The following MAP3K1 variants were observed in gnomAD, a reference collection of about 807,000 sequenced individuals.
The protein encoded by MAP3K1 is MAP/ERK kinase kinase 1.
A neutral mutation model predicts 144.2 loss-of-function variants in MAP3K1; 36 were observed. The observed-to-expected ratio is 0.25, with a 90% CI of 0.19 to 0.33. The LOEUF (loss-of-function observed/expected upper bound fraction) is 0.33, where lower values mean the gene tolerates loss of function less well. MAP3K1 is among the 10% of genes least tolerant of loss of function. MAP3K1 has a pLI of 1.00. For missense variants in MAP3K1, 1,650 were observed against 1,881.9 expected, an observed-to-expected ratio of 0.88 and a Z score of 2.28; for synonymous variants, 718 against 688.7, an observed-to-expected ratio of 1.04 and a Z score of -0.67.
intron 1 of MAP3K1, among the ~76,000 whole-genome samples, chr5:56,840,770 C>A (rs777671402): frequency 9.2e-5 from 14 of 151,960 alleles, no homozygotes; most frequent in Non-Finnish European, 1.6e-4. Context: ...GGAACTGAAA[C>A]TTGGTCTGAG....
chr5:56,831,684 T>G (rs760404538), intron 1 of MAP3K1, among the ~76,000 whole-genome samples: 12 of 152,248 alleles, frequency 7.9e-5, no homozygotes, highest in Admixed American at 1.3e-4. Context: ...TGATTGCTTA[T>G]GTAGGACTAA....
intron 10 of MAP3K1, among the ~76,000 whole-genome samples, chr5:56,876,662 C>G (rs1353304877): frequency 6.6e-6 from 1 of 152,168 alleles, no homozygotes; most frequent in Non-Finnish European, 1.5e-5. Flanking sequence ...CTTTTACTAG[C>G]ACGATGGCTT....
At chr5:56,872,448 T>C (rs983693685) in intron 7 of MAP3K1, among the ~76,000 whole-genome samples, 193 bp from the exon 8 acceptor site, 1 of 152,208 alleles carries the variant, frequency 6.6e-6, no homozygotes, top group African/African-American at 2.4e-5. Flanking sequence ...GTACATGTTA[T>C]CAGAATGAAT....
intron 1 of MAP3K1, among the ~76,000 whole-genome samples, chr5:56,855,260 G>T (rs1042481889): frequency 6.6e-6 from 1 of 151,302 alleles, no homozygotes; most frequent in African/African-American, 2.4e-5. Context: ...AGCATAAAAA[G>T]CAGCCAAGCA....
chr5:56,858,841 G>A (rs1194816575), intron 2 of MAP3K1, among the ~76,000 whole-genome samples: 2 of 152,058 alleles, frequency 1.3e-5, no homozygotes, highest in Non-Finnish European at 2.9e-5. Context: ...TCATGTGAAG[G>A]TGTACTGCCT....
intron 19 of MAP3K1, 47 bp from the exon 20 acceptor site, chr5:56,893,484 A>G (rs1278732421): frequency 1.3e-6 from 2 of 1,589,940 alleles, no homozygotes. Flanking sequence ...TTTCTGTATC[A>G]GAAGTTACAG....
chr5:56,892,181 C>T (rs1249130433), intron 19 of MAP3K1, among the ~76,000 whole-genome samples: 2 of 152,182 alleles, frequency 1.3e-5, no homozygotes, highest in East Asian at 3.8e-4. Flanking sequence ...AATGTTCTTC[C>T]ATTTGTTTGT....
chr5:56,872,920 A>G lies in MAP3K1; in HGVS notation c.1601A>G (p.Asn534Ser), dbSNP rs759736293. ...QQQPLAGSRRNQESNFNLTHY... is the reference protein window; with the variant it reads ...QQQPLAGSRRSQESNFNLTHY... The stretch of plus-strand genomic sequence containing the variant: ...CAGCCTTTGGCTGGATCACGAAGGA[A>G]TCAAGAGAGCAATTTTAACCTTACT... Residue 534 changes from asparagine to serine, a missense_variant, in exon 9 of 20, where the codon AAT becomes AGT. Transcript: ENST00000399503. 1.2e-6 allele frequency: 2 copies of G among 1,614,142 alleles called. No individual in the cohort carries two copies. The highest frequency in any genetic ancestry group is 1.7e-6 in the Non-Finnish European group (2 of 1,179,986).
chr5:56,829,941 G>A (rs1308600130), intron 1 of MAP3K1, among the ~76,000 whole-genome samples: 1 of 152,166 alleles, frequency 6.6e-6, no homozygotes, highest in Non-Finnish European at 1.5e-5. Context: ...TTTAAATAGT[G>A]CTGAAGACAC....
intron 1 of MAP3K1, among the ~76,000 whole-genome samples, chr5:56,830,269 A>T (rs1746446170): frequency 6.6e-6 from 1 of 152,244 alleles, no homozygotes; most frequent in South Asian, 2.1e-4. Flanking sequence ...CATATATTTT[A>T]ATTACTAAAA....
intron 19 of MAP3K1, 76 bp downstream of exon 19, chr5:56,888,433 G>A: frequency 1.6e-6 from 2 of 1,271,878 alleles, no homozygotes; most frequent in Non-Finnish European, 2.3e-6. Context: ...AATTTTGATG[G>A]GTTCTCCCTA....
intron 6 of MAP3K1, among the ~76,000 whole-genome samples, chr5:56,871,534 G>A (rs571957895): frequency 2.4e-4 from 36 of 152,018 alleles, no homozygotes; most frequent in Non-Finnish European, 4.6e-4. Context: ...TCTAAGGTCC[G>A]CCAGTACTTA....
rs1441430075 is a variant in MAP3K1 at position 56,893,950 on chromosome 5, A to T, written c.*270A>T. ...ACAGGAAAACAATGAAGTTTGCATG[A>T]CTAAATTGCAGAAGCATAATTTTAT... is the stretch of plus-strand genomic sequence containing the variant. On this transcript the variant is annotated 3_prime_UTR_variant, in exon 20 of 20. Transcript: ENST00000399503. 2.0e-6 allele frequency: 1 copy of T among 489,592 alleles called. No homozygotes were observed. Among genetic ancestry groups the T allele is most frequent in the East Asian group, 3.3e-5 (1 of 29,868 alleles). The allele number at this position is 489,592 out of a possible 1,614,324, so 30.3% of individuals were successfully genotyped here.
chr5:56,844,599 T>C (rs563444298), intron 1 of MAP3K1, among the ~76,000 whole-genome samples: 6 of 152,266 alleles, frequency 3.9e-5, no homozygotes, highest in African/African-American at 1.4e-4. Flanking sequence ...GTGGATCTTT[T>C]CAGGACTCTC....
At position 56,887,411 on chromosome 5, in the gene MAP3K1, G is replaced by C. The variant is rs2111961808; in HGVS notation, c.4148G>C (p.Arg1383Thr). 1 of 1,614,194 alleles carries C rather than the reference G, an allele frequency of 6.2e-7. No individual in the cohort carries two copies. The part of the protein sequence containing the change: ...ANLLIDSTGQ[R>T]LRIADFGAAA... ...TTGCTAATTGACAGCACTGGTCAGA[G>C]ACTAAGAATTGCAGATTTTGGAGCT... Residue 1383 changes from arginine (R) to threonine (T), a missense_variant, in exon 18 of 20, where the codon AGA becomes ACA. Coordinates refer to ENST00000399503, the MANE Select transcript of MAP3K1 (RefSeq NM_005921.2).
chr5:56,873,402 C>G (rs996094372), intron 9 of MAP3K1, among the ~76,000 whole-genome samples: 1 of 152,098 alleles, frequency 6.6e-6, no homozygotes, highest in Non-Finnish European at 1.5e-5. Flanking sequence ...TTTTCATATC[C>G]TAATGGCATA....
intron 1 of MAP3K1, among the ~76,000 whole-genome samples, chr5:56,832,026 G>A (rs1345188295): frequency 6.6e-6 from 1 of 152,128 alleles, no homozygotes; most frequent in Non-Finnish European, 1.5e-5. Flanking sequence ...CACTGGCTCA[G>A]GCTTGTGAGA....
Position 56,890,035 on chromosome 5 carries a change from A to T in MAP3K1, c.4389+1678A>T, listed in dbSNP as rs114204152. On this transcript the variant is annotated intron_variant, in intron 19 of 19. Coordinates refer to ENST00000399503, the MANE Select transcript of MAP3K1 (RefSeq NM_005921.2). ...CATTTTGTGCTTCTCCTGCTTGGGC[A>T]CCCCCTTTTTACTCATTCCAGATTC... 3.2e-3 allele frequency among the ~76,000 whole-genome samples: 488 copies of T among 151,338 alleles called. 5 individuals carry two copies. Among genetic ancestry groups the T allele is most frequent in the African/African-American group, 0.01 (423 of 41,198 alleles).
rs1475939630 is a variant in MAP3K1, at chr5:56,859,786, G to C, written c.705G>C (p.Glu235Asp). 6.2e-7 allele frequency: 1 copy of C among 1,614,082 alleles called. No homozygotes were observed. Among genetic ancestry groups the C allele is most frequent in the African/African-American group, 1.3e-5 (1 of 75,038 alleles). Residue 235 changes from glutamate (E) to aspartate (D), a missense_variant, in exon 3 of 20, where the codon GAG becomes GAC. Glu to Asp is a conservative substitution (Grantham distance 45). Coordinates refer to ENST00000399503, the MANE Select transcript of MAP3K1 (RefSeq NM_005921.2). Reference sequence around the variant, plus strand: ...ACTTAGCAGCTGAGTCTCCAGGAGAGGTCCAGGCAAGTGCGGCTTCACCAG... The same window carrying C: ...ACTTAGCAGCTGAGTCTCCAGGAGACGTCCAGGCAAGTGCGGCTTCACCAG... ...MNHLAAESPG[E>D]VQASAASPAS...
Sources: allele counts gnomAD v4.1 joint callset (sites outside exome capture counted in the v4.1 genomes callset), GRCh38; gene constraint gnomAD v4.1.1; transcripts MANE v1.5; gene names NCBI Gene and HGNC (gene_info 2026-07-23, HGNC 2026-07-21).